Variants in DPP10 observed in about 807,000 individuals in gnomAD.
The protein encoded by DPP10 is dipeptidyl peptidase like 10, also known as inactive dipeptidyl peptidase 10.
In DPP10, 33 loss-of-function variants were observed where a neutral mutation model predicts 120.9. That is an observed-to-expected ratio of 0.27 (90% CI 0.21 to 0.37). DPP10 has a LOEUF of 0.37. Ranked by LOEUF, DPP10 falls within the 10% of genes least tolerant of loss-of-function variation. The probability of loss-of-function intolerance (pLI) is 1.00; values close to 1 mark genes in which losing one functional copy is unlikely to be tolerated. For synonymous variants in DPP10, 337 were observed against 326.1 expected (o/e 1.03, Z -0.36); for missense variants, 816 against 942.8 (o/e 0.87, Z 1.76).
At chr2:114,903,682 C>A (rs531374102) in intron 1 of DPP10, among the ~76,000 whole-genome samples, 25 of 152,252 alleles carry the variant, frequency 1.6e-4, no homozygotes, top group South Asian at 6.2e-4. Flanking sequence ...GAAGCCCTAA[C>A]CATCATTGTG....
At chr2:115,363,970 T>G (rs1020689325) in intron 3 of DPP10, among the ~76,000 whole-genome samples, 1 of 151,880 alleles carries the variant, frequency 6.6e-6, no homozygotes, top group Non-Finnish European at 1.5e-5. Context: ...TTCCCTAGGC[T>G]CACATAGCTA....
intron 2 of DPP10, among the ~76,000 whole-genome samples, chr2:115,334,456 GT>G (rs1365086507): frequency 1.3e-5 from 2 of 151,060 alleles, no homozygotes; most frequent in Non-Finnish European, 3.0e-5. Context: ...AAGCTATTAG[GT>G]TTTCTTCATT....
chr2:114,758,539 A>C (rs17043508), intron 1 of DPP10, among the ~76,000 whole-genome samples: 2,671 of 152,318 alleles, frequency 0.018, 74 homozygotes, highest in African/African-American at 0.061. Flanking sequence ...GGCCAGGCCT[A>C]TATTACTCAT....
intron 1 of DPP10, among the ~76,000 whole-genome samples, chr2:114,793,572 G>T (rs958491470): frequency 4.6e-5 from 7 of 152,264 alleles, no homozygotes; most frequent in Admixed American, 3.9e-4. Context: ...GGTTACTGGG[G>T]ATACAGCAGT....
chr2:115,413,913 A>AT (rs35546360), intron 3 of DPP10, among the ~76,000 whole-genome samples: 2 of 151,340 alleles, frequency 1.3e-5, no homozygotes, highest in African/African-American at 2.4e-5. Context: ...TCTCTCAATA[A>AT]TTTTTTTTTT....
chr2:115,594,749 T>C (rs1369218501), intron 5 of DPP10, among the ~76,000 whole-genome samples: 1 of 152,132 alleles, frequency 6.6e-6, no homozygotes, highest in Admixed American at 6.6e-5. Flanking sequence ...GCAAAACAAC[T>C]GTGGATGACA....
At chr2:114,870,347 C>T (rs909660039) in intron 1 of DPP10, among the ~76,000 whole-genome samples, 1 of 151,826 alleles carries the variant, frequency 6.6e-6, no homozygotes, top group Non-Finnish European at 1.5e-5. Flanking sequence ...CATATTTGAC[C>T]TGGAGGAAAT....
chr2:114,579,384 A>G (rs539630356), intron 1 of DPP10, among the ~76,000 whole-genome samples: 1 of 152,280 alleles, frequency 6.6e-6, no homozygotes, highest in East Asian at 1.9e-4. Flanking sequence ...ATAGGGGGAA[A>G]TAATGTACTG....
intron 1 of DPP10, among the ~76,000 whole-genome samples, chr2:114,898,898 G>A (rs1693295233): frequency 6.6e-6 from 1 of 152,034 alleles, no homozygotes; most frequent in Non-Finnish European, 1.5e-5. Flanking sequence ...TATTTAATAT[G>A]CACAACAACT....
chr2:114,460,450 C>T (rs1411075207), intron 1 of DPP10, among the ~76,000 whole-genome samples: 4 of 151,984 alleles, frequency 2.6e-5, no homozygotes, highest in South Asian at 2.1e-4. Context: ...TTTGTCTGAA[C>T]GGTGATAATT....
At chr2:114,448,586 T>C (rs747169428) in intron 1 of DPP10, among the ~76,000 whole-genome samples, 1 of 152,144 alleles carries the variant, frequency 6.6e-6, no homozygotes, top group Non-Finnish European at 1.5e-5. Flanking sequence ...ACTCTTGGGG[T>C]AGGGCCCAGC....
chr2:114,933,826 GGCCTAAGAATTTTCACC>G (rs1167994726), intron 1 of DPP10, among the ~76,000 whole-genome samples: 1 of 152,090 alleles, frequency 6.6e-6, no homozygotes, highest in Non-Finnish European at 1.5e-5. Flanking sequence ...TCCAGAGAGG[GGCCTAAGAATTTTCACC>G]GCAATAATTC....
intron 1 of DPP10, among the ~76,000 whole-genome samples, chr2:114,457,903 G>A (rs1450349884): frequency 6.6e-6 from 1 of 152,108 alleles, no homozygotes; most frequent in Non-Finnish European, 1.5e-5. Flanking sequence ...AACAAATAAT[G>A]TTCTCTGAAT....
intron 7 of DPP10, among the ~76,000 whole-genome samples, chr2:115,705,181 T>C (rs550374027): frequency 5.9e-5 from 9 of 152,084 alleles, no homozygotes; most frequent in African/African-American, 2.2e-4. Flanking sequence ...CTAATAACAA[T>C]TGTGAACTAT....
chr2:114,698,456 GA>G (rs1700195479), intron 1 of DPP10, among the ~76,000 whole-genome samples: 1 of 152,084 alleles, frequency 6.6e-6, no homozygotes, highest in African/African-American at 2.4e-5. Context: ...CCTCACCTCA[GA>G]AATTGTGTGA....
chr2:114,965,964 CAAAAAAAAAAAAAA>C (rs57107624), intron 1 of DPP10, among the ~76,000 whole-genome samples: 2 of 74,808 alleles, frequency 2.7e-5, no homozygotes, highest in African/African-American at 1.0e-4. Context: ...GACTCCTTCT[CAAAAAAAAAAAAAA>C]AAAAAAAAAG....
intron 1 of DPP10, chr2:115,144,008 C>G: frequency 6.6e-6 from 1 of 152,106 alleles, no homozygotes; most frequent in Admixed American, 6.6e-5. Flanking sequence ...CAGGCTGAGA[C>G]CTATATCGGA....
At chr2:115,070,920 C>A (rs975732596) in intron 1 of DPP10, among the ~76,000 whole-genome samples, 1 of 152,058 alleles carries the variant, frequency 6.6e-6, no homozygotes, top group East Asian at 1.9e-4. Context: ...TGGCTTTAGG[C>A]GTGAAATTTC....
chr2:115,309,149 G>A, intron 1 of DPP10, 90 bp from the exon 2 acceptor site: 3 of 958,468 alleles, frequency 3.1e-6, no homozygotes, highest in South Asian at 1.5e-5. Flanking sequence ...CTTTCAAACT[G>A]TGATTGTGCC....
Sources: allele counts gnomAD v4.1 joint callset (sites outside exome capture counted in the v4.1 genomes callset), GRCh38; gene constraint gnomAD v4.1.1; transcripts MANE v1.5; gene names NCBI Gene and HGNC (gene_info 2026-07-23, HGNC 2026-07-21).